The following PLS1 variants were observed in gnomAD, a reference collection of about 807,000 sequenced individuals.
The protein encoded by PLS1 is plastin 1.
Under a neutral mutation model 73.7 loss-of-function variants are expected in PLS1, and 32 were observed. The ratio of observed to expected loss-of-function variants is 0.43; its 90% CI spans 0.33 to 0.58. The LOEUF is 0.58. Ranked by LOEUF, PLS1 falls within the 20% of genes least tolerant of loss-of-function variation. The pLI is 0.04. For synonymous variants in PLS1, 217 were observed against 261.3 expected (o/e 0.83, Z 1.63); for missense variants, 633 against 740.5 (o/e 0.85, Z 1.68).
At chr3:142,612,494 T>C (rs1463679666) in intron 1 of PLS1, among the ~76,000 whole-genome samples, 1 of 152,246 alleles carries the variant, frequency 6.6e-6, no homozygotes, top group Non-Finnish European at 1.5e-5. Flanking sequence ...ACTGTAGATA[T>C]AGCCTTAGTC....
At chr3:142,676,114 G>A (rs1413651468) in intron 4 of PLS1, 43 bp from the exon 5 acceptor site, 1 of 1,577,108 alleles carries the variant, frequency 6.3e-7, no homozygotes, top group Non-Finnish European at 8.6e-7. Context: ...GTGCAATAAA[G>A]TTTGTGAAAT....
At chr3:142,663,291 G>A (rs2037410698) in intron 1 of PLS1, among the ~76,000 whole-genome samples, 1 of 152,090 alleles carries the variant, frequency 6.6e-6, no homozygotes, top group Admixed American at 6.6e-5. Flanking sequence ...CTGGATAGAA[G>A]GATTATGAGT....
chr3:142,682,564 T>A (rs1335694564), intron 6 of PLS1, among the ~76,000 whole-genome samples: 2 of 152,224 alleles, frequency 1.3e-5, no homozygotes, highest in Admixed American at 1.3e-4. Context: ...CAACTGCATA[T>A]GACATGGGTT....
chr3:142,691,979 A>C (rs1193588049), intron 10 of PLS1, among the ~76,000 whole-genome samples: 2 of 152,158 alleles, frequency 1.3e-5, no homozygotes, highest in Admixed American at 1.3e-4. Flanking sequence ...CTTTGTTCAA[A>C]TCATAGTTCC....
intron 6 of PLS1, among the ~76,000 whole-genome samples, chr3:142,680,046 G>C (rs1353819910): frequency 6.6e-6 from 1 of 152,028 alleles, no homozygotes; most frequent in African/African-American, 2.4e-5. Context: ...ATTGTGAATG[G>C]GAGTTCACTC....
chr3:142,611,374 C>T (rs1436022643), intron 1 of PLS1, among the ~76,000 whole-genome samples: 2 of 152,186 alleles, frequency 1.3e-5, no homozygotes, highest in Non-Finnish European at 2.9e-5. Flanking sequence ...GTAATCCCAA[C>T]ACTTTGAGAG....
At chr3:142,701,982 A>C (rs569179011) in intron 12 of PLS1, among the ~76,000 whole-genome samples, 1 of 152,370 alleles carries the variant, frequency 6.6e-6, no homozygotes, top group East Asian at 1.9e-4. Flanking sequence ...TATTTCTTTT[A>C]AGCGGGCTAA....
chr3:142,641,426 A>C (rs917836115), intron 1 of PLS1, among the ~76,000 whole-genome samples: 1 of 150,874 alleles, frequency 6.6e-6, no homozygotes, highest in African/African-American at 2.4e-5. Context: ...ATTATCATTT[A>C]TATATATGTA....
chr3:142,695,636 C>T (rs2038177544), intron 11 of PLS1, among the ~76,000 whole-genome samples: 1 of 152,020 alleles, frequency 6.6e-6, no homozygotes, highest in Non-Finnish European at 1.5e-5. Context: ...CTAGTATGAT[C>T]CCATTTTGTT....
chr3:142,705,265 A>G (rs2038435700), intron 14 of PLS1, among the ~76,000 whole-genome samples: 1 of 152,216 alleles, frequency 6.6e-6, no homozygotes, highest in Admixed American at 6.5e-5. Context: ...TGTGCTCCCT[A>G]GCAGCAGTCT....
At chr3:142,640,421 A>G (rs1390261168) in intron 1 of PLS1, among the ~76,000 whole-genome samples, 1 of 152,178 alleles carries the variant, frequency 6.6e-6, no homozygotes, top group Admixed American at 6.5e-5. Context: ...GTCCTTGATG[A>G]AGGCAGGATG....
Position 142,678,101 on chromosome 3 carries a change from A to G in PLS1, c.567A>G (p.Pro189=), listed in dbSNP as rs1460417213. The change falls in exon 6 of 16, where the codon CCA becomes CCG. Residue 189 remains proline, a synonymous_variant. Coordinates refer to ENST00000457734, the MANE Select transcript of PLS1 (RefSeq NM_001145319.2). ...CCATCAATAAGAAAAAGCTCACGCC[A>G]TTCACTATTTCTGTAAGTATTTGCC... ...ERAINKKKLT[P]FTISENLNLA... The G allele has an allele frequency of 6.6e-7, 1 of 1,518,722 alleles. No individual in the cohort carries two copies. Among genetic ancestry groups the G allele is most frequent in the Non-Finnish European group, 9.0e-7 (1 of 1,115,040 alleles). 94.1% of individuals were successfully genotyped at this position (1,518,722 alleles called of 1,614,324 possible). A position where few individuals can be genotyped will look rare whatever the true frequency, so the allele number is the denominator to read the frequency against.
At chr3:142,616,425 T>C (rs184925739) in intron 1 of PLS1, among the ~76,000 whole-genome samples, 5 of 152,320 alleles carry the variant, frequency 3.3e-5, no homozygotes, top group Admixed American at 3.3e-4. Context: ...TCCTTTACAA[T>C]TAATCACTTA....
At chr3:142,657,634 C>T (rs756477070) in intron 1 of PLS1, among the ~76,000 whole-genome samples, 1 of 152,088 alleles carries the variant, frequency 6.6e-6, no homozygotes, top group Non-Finnish European at 1.5e-5. Flanking sequence ...GGACTATAGG[C>T]GTGTGCCACC....
At chr3:142,697,266 A>C (rs898669716) in intron 11 of PLS1, among the ~76,000 whole-genome samples, 20 of 152,144 alleles carry the variant, frequency 1.3e-4, no homozygotes, top group African/African-American at 4.8e-4. Context: ...CTCATTCCCG[A>C]ACACAAACAG....
At chr3:142,651,284 A>AC (rs2037082421) in intron 1 of PLS1, among the ~76,000 whole-genome samples, 1 of 151,478 alleles carries the variant, frequency 6.6e-6, no homozygotes, top group African/African-American at 2.4e-5. Context: ...ACATGATGAA[A>AC]CCCCGTCTCT....
At chr3:142,645,342 G>T (rs2036932365) in intron 1 of PLS1, 1 of 152,180 alleles carries the variant, frequency 6.6e-6, no homozygotes, top group Non-Finnish European at 1.5e-5. Flanking sequence ...CAGTACCTCA[G>T]ACTTGCAACT....
intron 1 of PLS1, among the ~76,000 whole-genome samples, chr3:142,647,977 G>A (rs2036995910): frequency 6.6e-6 from 1 of 152,184 alleles, no homozygotes; most frequent in South Asian, 2.1e-4. Context: ...GGTGAGGGAT[G>A]TCTGCAGTGG....
chr3:142,610,327 T>C (rs2036096274), intron 1 of PLS1, among the ~76,000 whole-genome samples: 1 of 152,178 alleles, frequency 6.6e-6, no homozygotes. Context: ...AACCAGATTG[T>C]CACTAAATTA....
Sources: gnomAD v4.1 joint callset for allele counts (sites outside exome capture counted in the v4.1 genomes callset) on GRCh38, gnomAD v4.1.1 for gene constraint, MANE v1.5 for transcripts, NCBI Gene and HGNC (gene_info 2026-07-23, HGNC 2026-07-21) for gene names.